The following TTC29 variants were observed in gnomAD, a reference collection of about 807,000 sequenced individuals.
TTC29 encodes tetratricopeptide repeat domain 29, also known as tetratricopeptide repeat protein 29.
Under a neutral mutation model 58.1 loss-of-function variants are expected in TTC29, and 49 were observed. The observed-to-expected ratio is 0.84, with a 90% CI of 0.67 to 1.07. The LOEUF (loss-of-function observed/expected upper bound fraction) is 1.07. TTC29 is among the 50% of genes least tolerant of loss of function. The pLI is 0.00. For synonymous variants in TTC29, 209 were observed against 196.8 expected, an observed-to-expected ratio of 1.06 and a Z score of -0.52; for missense variants, 582 against 555.6, an observed-to-expected ratio of 1.05 and a Z score of -0.48.
chr4:146,834,643 A>G (rs1244573620), intron 8 of TTC29, among the ~76,000 whole-genome samples: 1 of 152,200 alleles, frequency 6.6e-6, no homozygotes, highest in East Asian at 1.9e-4. Context: ...GACACAGGAA[A>G]TCTCCAAAGA....
At chr4:146,772,049 T>C (rs1253672410) in intron 11 of TTC29, among the ~76,000 whole-genome samples, 1 of 152,196 alleles carries the variant, frequency 6.6e-6, no homozygotes, top group African/African-American at 2.4e-5. Context: ...CGTGTATGTC[T>C]TTTGAAAAGT....
intron 4 of TTC29, among the ~76,000 whole-genome samples, chr4:146,914,996 T>G (rs1212795946): frequency 2.0e-5 from 3 of 152,174 alleles, no homozygotes; most frequent in African/African-American, 7.2e-5. Context: ...ATAGCTACTA[T>G]TTATAGAACA....
chr4:146,846,525 T>G (rs1032153385), intron 8 of TTC29, among the ~76,000 whole-genome samples: 6 of 152,182 alleles, frequency 3.9e-5, no homozygotes, highest in African/African-American at 1.4e-4. Context: ...GCAGAGAAGC[T>G]GTGAAAAGTC....
intron 8 of TTC29, among the ~76,000 whole-genome samples, chr4:146,851,793 A>G (rs1246573567): frequency 2.6e-5 from 4 of 152,222 alleles, no homozygotes; most frequent in African/African-American, 7.2e-5. Flanking sequence ...CATCATAACA[A>G]AGGAAGAATC....
chr4:146,935,836 G>T (rs1218947327), intron 4 of TTC29, among the ~76,000 whole-genome samples: 1 of 152,216 alleles, frequency 6.6e-6, no homozygotes. Context: ...TGGCTATAAA[G>T]AGTTTGATGC....
In TTC29 at chr4:146,751,702, G is replaced by A. The variant is rs186398246; in HGVS notation, c.1331-44151C>T. On this transcript the variant is annotated intron_variant, in intron 11 of 12. Coordinates refer to ENST00000325106, the MANE Select transcript of TTC29 (RefSeq NM_031956.4). ...AAACGTATAGGATACACCAAAAACC[G>A]TTCTAAGAGAGACATTTGTAGCAAT... Among the ~76,000 whole-genome samples, 10 of 152,086 alleles carry A rather than the reference G, an allele frequency of 6.6e-5. No homozygotes were observed. The East Asian group carries it at 1.9e-3, about 29-fold the overall frequency.
intron 11 of TTC29, chr4:146,764,143 TA>T (rs1225027822): frequency 6.6e-6 from 1 of 152,138 alleles, no homozygotes; most frequent in Non-Finnish European, 1.5e-5. Context: ...TGGTGATTTC[TA>T]ACATTCAGAA....
At chr4:146,840,116 A>G (rs1291291391) in intron 8 of TTC29, among the ~76,000 whole-genome samples, 1 of 151,886 alleles carries the variant, frequency 6.6e-6, no homozygotes, top group Non-Finnish European at 1.5e-5. Flanking sequence ...TTGTCTTGAA[A>G]TCTAACCTTT....
intron 11 of TTC29, 40 bp downstream of exon 11, chr4:146,803,417 T>C (rs1316287141): frequency 1.5e-6 from 2 of 1,321,866 alleles, no homozygotes; most frequent in African/African-American, 3.0e-5. Context: ...TCATTGAGAA[T>C]GATATGAAAA....
intron 4 of TTC29, among the ~76,000 whole-genome samples, chr4:146,929,645 T>C (rs918630900): frequency 6.6e-6 from 1 of 152,166 alleles, no homozygotes; most frequent in African/African-American, 2.4e-5. Context: ...TGTCAAGGTT[T>C]GCATGCATAT....
intron 2 of TTC29, among the ~76,000 whole-genome samples, chr4:146,940,257 G>T (rs1338154906): frequency 6.6e-6 from 1 of 152,180 alleles, no homozygotes; most frequent in Non-Finnish European, 1.5e-5. Flanking sequence ...GATAGCTATG[G>T]ATTTCCAATG....
chr4:146,803,635 T>C lies in TTC29; in HGVS notation c.1152A>G (p.Thr384=). 1 of 1,606,460 alleles carries C rather than the reference T, an allele frequency of 6.2e-7. No individual in the cohort carries two copies. Among genetic ancestry groups the C allele is most frequent in the Non-Finnish European group, 8.5e-7 (1 of 1,175,210 alleles). ...SECFQQAFDT[T]VELMSMPLMD... ...TCAGAGGCATGCTCATTAGCTCTAC[T>C]GTTGTGTCAAAAGCTTGCTGAAAGC... Residue 384 remains threonine (T), a synonymous_variant, in exon 11 of 13, where the codon ACA becomes ACG. Coordinates refer to ENST00000325106, the MANE Select transcript of TTC29 (RefSeq NM_031956.4).
chr4:146,935,068 A>G (rs952772959), intron 4 of TTC29, among the ~76,000 whole-genome samples: 25 of 152,144 alleles, frequency 1.6e-4, no homozygotes, highest in Non-Finnish European at 1.3e-4. Flanking sequence ...GATCGATCCA[A>G]TGAAAAAGGA....
chr4:146,810,513 A>G (rs1750942943), intron 10 of TTC29, among the ~76,000 whole-genome samples: 1 of 152,034 alleles, frequency 6.6e-6, no homozygotes. Context: ...GAGTGAACCA[A>G]TTCACATTGA....
chr4:146,775,631 C>T (rs1748035701), intron 11 of TTC29, among the ~76,000 whole-genome samples: 2 of 151,766 alleles, frequency 1.3e-5, no homozygotes, highest in Admixed American at 6.6e-5. Context: ...GCTGTTAGCC[C>T]AATGGGGTTC....
intron 11 of TTC29, among the ~76,000 whole-genome samples, chr4:146,793,826 G>A (rs1749644145): frequency 6.6e-6 from 1 of 152,148 alleles, no homozygotes; most frequent in African/African-American, 2.4e-5. Context: ...TATGGTAAGT[G>A]ACAGCATTAT....
intron 6 of TTC29, among the ~76,000 whole-genome samples, chr4:146,901,881 G>C (rs1290345443): frequency 6.6e-6 from 1 of 152,122 alleles, no homozygotes; most frequent in Non-Finnish European, 1.5e-5. Context: ...AGCTCTACAA[G>C]GGCAGAGACT....
chr4:146,847,690 A>G (rs1217553141), intron 8 of TTC29, among the ~76,000 whole-genome samples: 1 of 152,214 alleles, frequency 6.6e-6, no homozygotes, highest in Non-Finnish European at 1.5e-5. Context: ...GTACAAAAAA[A>G]GATGAAGACA....
chr4:146,816,014 A>G (rs1370594883), intron 10 of TTC29, among the ~76,000 whole-genome samples: 1 of 152,198 alleles, frequency 6.6e-6, no homozygotes, highest in Non-Finnish European at 1.5e-5. Context: ...CCAAGAGTTT[A>G]TATCTCAGCA....
Sources: gnomAD v4.1 joint callset for allele counts (sites outside exome capture counted in the v4.1 genomes callset) on GRCh38, gnomAD v4.1.1 for gene constraint, MANE v1.5 for transcripts, NCBI Gene and HGNC (gene_info 2026-07-23, HGNC 2026-07-21) for gene names.